Variants in ITPR1 observed in about 807,000 individuals in gnomAD.
The protein encoded by ITPR1 is inositol 1,4,5-trisphosphate-gated calcium channel ITPR1.
ITPR1 carries 96 observed loss-of-function variants against 318.4 expected under a neutral mutation model. That is an observed-to-expected ratio of 0.30 (90% CI 0.26 to 0.36). The LOEUF is 0.36. Among genes scored for constraint, ITPR1 ranks in the 10% least tolerant of loss-of-function variants. The pLI is 1.00. For missense variants in ITPR1, 2,440 were observed against 3,460.2 expected, an observed-to-expected ratio of 0.71 and a Z score of 7.40; for synonymous variants, 1,312 against 1,289.9, an observed-to-expected ratio of 1.02 and a Z score of -0.37.
At chr3:4,605,763 C>T (rs1575688802) in intron 4 of ITPR1, among the ~76,000 whole-genome samples, 1 of 152,106 alleles carries the variant, frequency 6.6e-6, no homozygotes, top group East Asian at 1.9e-4. Flanking sequence ...CCATGAGTGC[C>T]CAGCTTTCAG....
chr3:4,567,146 G>A (rs1188780273), intron 4 of ITPR1, among the ~76,000 whole-genome samples: 1 of 152,146 alleles, frequency 6.6e-6, no homozygotes, highest in Admixed American at 6.5e-5. Context: ...AAGCTCGTAG[G>A]GTGTGGTCTG....
chr3:4,645,873 C>T, intron 10 of ITPR1, 145 bp downstream of exon 10: 1 of 695,342 alleles, frequency 1.4e-6, no homozygotes, highest in Non-Finnish European at 2.4e-6. Flanking sequence ...TACACACACA[C>T]ACAGAATACA....
intron 60 of ITPR1, chr3:4,831,177 T>TCC (rs1479491549): frequency 2.8e-6 from 1 of 358,586 alleles, no homozygotes; most frequent in Non-Finnish European, 5.5e-6. Context: ...TCTGTCTCTC[T>TCC]CCCTCTTTCC....
At chr3:4,787,450 T>C (rs937636745) in intron 51 of ITPR1, among the ~76,000 whole-genome samples, 1 of 150,554 alleles carries the variant, frequency 6.6e-6, no homozygotes, top group Non-Finnish European at 1.5e-5. Context: ...ATCCCAGCAT[T>C]TTGGGAGGCT....
chr3:4,661,871 G>T (rs138841056), intron 14 of ITPR1, among the ~76,000 whole-genome samples: 33 of 152,236 alleles, frequency 2.2e-4, no homozygotes, highest in Admixed American at 1.5e-3. Context: ...CCTCCTTCCT[G>T]CCACACTGGC....
In ITPR1 at chr3:4,717,272, A is replaced by T. The variant is rs1574990081; in HGVS notation, c.5104-95A>T. The T allele has an allele frequency of 2.8e-6, 3 of 1,070,356 alleles. No individual in the cohort carries two copies. In the East Asian group the frequency reaches 7.1e-5, roughly 25 times the overall value. The allele number at this position is 1,070,356 out of a possible 1,614,324, so 66.3% of individuals were successfully genotyped here. On this transcript the variant is annotated intron_variant, in intron 39 of 61. Coordinates refer to ENST00000649015, the MANE Select transcript of ITPR1 (RefSeq NM_001378452.1). ...CCATCTAGCAAGGCTTTAAGGAGAA[A>T]CGTCAGCAATAAGAGTAAAGTCTAT...
At chr3:4,721,671 T>TAA (rs2042174420) in intron 40 of ITPR1, among the ~76,000 whole-genome samples, 1 of 152,190 alleles carries the variant, frequency 6.6e-6, no homozygotes, top group South Asian at 2.1e-4. Context: ...ACGGTACAGT[T>TAA]ACATTTTTTG....
At chr3:4,727,294 A>T (rs2125309004) in intron 42 of ITPR1, 121 bp downstream of exon 42, 1 of 669,906 alleles carries the variant, frequency 1.5e-6, no homozygotes, top group East Asian at 2.7e-5. Flanking sequence ...GCATTAATTG[A>T]CTCAAGAGCA....
chr3:4,775,814 G>T (rs146584342), intron 47 of ITPR1, among the ~76,000 whole-genome samples: 66 of 152,332 alleles, frequency 4.3e-4, no homozygotes, highest in African/African-American at 1.6e-3. Context: ...ACTACTGGAA[G>T]GGGGTTTAAG....
At position 4,826,178 on chromosome 3, in the gene ITPR1, C is replaced by T. The variant is rs1407218798; in HGVS notation, c.8028+7936C>T. Among the ~76,000 whole-genome samples, 4 of 152,210 alleles carry T rather than the reference C, an allele frequency of 2.6e-5. No individual in the cohort carries two copies. Among genetic ancestry groups the T allele is most frequent in the African/African-American group, 7.2e-5 (3 of 41,444 alleles). On this transcript the variant is annotated intron_variant, in intron 60 of 61. Coordinates refer to ENST00000649015, the MANE Select transcript of ITPR1 (RefSeq NM_001378452.1). The surrounding 1 kb of genome is among the most constrained non-coding windows in gnomAD (Gnocchi z 4.2). Reference sequence around the variant, plus strand: ...ACACCTTCTGCTTCGTGCAGATGCACGATGATGGGTTTGGGCTTTTATTCT... The same window carrying T: ...ACACCTTCTGCTTCGTGCAGATGCATGATGATGGGTTTGGGCTTTTATTCT...
rs373614009 is a variant in ITPR1, at chr3:4,814,444, C to T, written c.7583C>T (p.Thr2528Met). The T allele has an allele frequency of 2.5e-5, 40 of 1,613,862 alleles. No individual in the cohort carries two copies. The highest frequency in any genetic ancestry group is 1.9e-4 in the African/African-American group (14 of 75,014). Reference sequence around the variant, plus strand: ...ACAGAGCTGGTCCCTGCAGAAGAGACGGAACAGGATAAAGAGCACACATGT... The same window carrying T: ...ACAGAGCTGGTCCCTGCAGAAGAGATGGAACAGGATAAAGAGCACACATGT... ...PREELVPAEE[T>M]EQDKEHTCET... Residue 2528 changes from threonine to methionine, a missense_variant, in exon 58 of 62, where the codon ACG becomes ATG. Transcript: ENST00000649015.
At chr3:4,672,282 C>T (rs978448753) in intron 20 of ITPR1, among the ~76,000 whole-genome samples, 2 of 152,184 alleles carry the variant, frequency 1.3e-5, no homozygotes, top group African/African-American at 4.8e-5. Flanking sequence ...AGCTTTGTTT[C>T]TTCATGTCTT....
chr3:4,750,949 T>A (rs2044462169), intron 44 of ITPR1: 2 of 152,908 alleles, frequency 1.3e-5, no homozygotes, highest in Non-Finnish European at 2.9e-5. Flanking sequence ...TTATTACCAA[T>A]CCCTCCATGA....
chr3:4,602,606 C>A (rs1299651186), intron 4 of ITPR1, among the ~76,000 whole-genome samples: 1 of 149,558 alleles, frequency 6.7e-6, no homozygotes, highest in Non-Finnish European at 1.5e-5. Flanking sequence ...GTAGAAACAA[C>A]TCAAATGTCC....
intron 20 of ITPR1, chr3:4,671,776 A>AT (rs2094090385): frequency 6.6e-6 from 1 of 152,276 alleles, no homozygotes; most frequent in Admixed American, 6.5e-5. Flanking sequence ...AAAACTGCAG[A>AT]TAAAATGCCT....
chr3:4,552,324 C>T (rs1181001572), intron 4 of ITPR1, among the ~76,000 whole-genome samples: 4 of 152,210 alleles, frequency 2.6e-5, no homozygotes, highest in African/African-American at 9.7e-5. Context: ...CCACCTGACA[C>T]ACCAGTCTGG....
At position 4,775,458 on chromosome 3, in the gene ITPR1, T is replaced by C. The variant is rs569714815; in HGVS notation, c.6180+16T>C. ...TGAGAACCAGGTAATTAAATTTCTG[T>C]TTTGGGATGGGGAAAAAAAGTGTCC... On this transcript the variant is annotated intron_variant, in intron 47 of 61. Coordinates refer to ENST00000649015, the MANE Select transcript of ITPR1 (RefSeq NM_001378452.1). 4.4e-6 allele frequency: 7 copies of C among 1,593,792 alleles called. No individual in the cohort carries two copies. The African/African-American group carries it at 8.1e-5, about 18-fold the overall frequency.
intron 35 of ITPR1, among the ~76,000 whole-genome samples, chr3:4,700,456 A>C (rs2094629815): frequency 6.6e-6 from 1 of 152,220 alleles, no homozygotes; most frequent in Non-Finnish European, 1.5e-5. Flanking sequence ...AGAGCGGTAG[A>C]GACCAGAGAT....
chr3:4,747,870 G>A (rs946320793), intron 44 of ITPR1, among the ~76,000 whole-genome samples: 5 of 152,184 alleles, frequency 3.3e-5, no homozygotes, highest in Non-Finnish European at 5.9e-5. Context: ...TTTCGCTTGC[G>A]TCTAAAGAAG....
Sources: allele counts gnomAD v4.1 joint callset (sites outside exome capture counted in the v4.1 genomes callset), GRCh38; gene constraint gnomAD v4.1.1; non-coding constraint Gnocchi (gnomAD v3.1); transcripts MANE v1.5; gene names NCBI Gene and HGNC (gene_info 2026-07-23, HGNC 2026-07-21).